DSC3: variants seen among roughly 807,000 people sequenced by gnomAD.
DSC3 encodes the protein desmocollin 3.
A neutral mutation model predicts 89.5 loss-of-function variants in DSC3; 97 were observed. The ratio of observed to expected loss-of-function variants is 1.08; its 90% confidence interval spans 0.92 to 1.28. The LOEUF (loss-of-function observed/expected upper bound fraction) is 1.28, where lower values mean the gene tolerates loss of function less well. Among genes scored for constraint, DSC3 ranks in the 50% most tolerant of loss-of-function variants. DSC3 has a pLI of 0.00. For missense variants in DSC3, 1,199 were observed against 1,085.3 expected (o/e 1.10, Z -1.47); for synonymous variants, 436 against 384.1 (o/e 1.14, Z -1.58).
intron 9 of DSC3, among the ~76,000 whole-genome samples, chr18:31,010,858 T>C (rs1310465408): frequency 6.6e-6 from 1 of 152,230 alleles, no homozygotes; most frequent in Admixed American, 6.5e-5. Flanking sequence ...TCACTCATGC[T>C]TTGTGGTTAC....
intron 9 of DSC3, among the ~76,000 whole-genome samples, chr18:31,015,317 C>A (rs1985198949): frequency 6.6e-6 from 1 of 152,030 alleles, no homozygotes; most frequent in African/African-American, 2.4e-5. Flanking sequence ...AGAAATGAAA[C>A]AAATGCATGT....
At chr18:31,026,028 G>T in intron 4 of DSC3, 113 bp from the exon 5 acceptor site, 1 of 1,089,656 alleles carries the variant, frequency 9.2e-7, no homozygotes, top group Non-Finnish European at 1.3e-6. Context: ...AAAAGAAAAG[G>T]TAGAAAAGAA....
intron 9 of DSC3, among the ~76,000 whole-genome samples, chr18:31,012,712 AAAG>A (rs1985111315): frequency 1.3e-5 from 2 of 152,214 alleles, no homozygotes; most frequent in South Asian, 4.1e-4. Flanking sequence ...AGATGGAAAA[AAAG>A]AAGGAAATAA....
intron 7 of DSC3, among the ~76,000 whole-genome samples, chr18:31,019,868 G>T (rs915589981): frequency 2.6e-5 from 4 of 152,286 alleles, no homozygotes; most frequent in Middle Eastern, 3.4e-3. Context: ...AGAAAGGATG[G>T]CAGGAAATTT....
At chr18:31,037,159 A>G (rs534906326) in intron 1 of DSC3, among the ~76,000 whole-genome samples, 1 of 152,242 alleles carries the variant, frequency 6.6e-6, no homozygotes, top group Admixed American at 6.5e-5. Flanking sequence ...TTTTTGTTAC[A>G]TTTATCTTAG....
At chr18:31,010,764 C>A (rs1985030814) in intron 9 of DSC3, among the ~76,000 whole-genome samples, 1 of 152,066 alleles carries the variant, frequency 6.6e-6, no homozygotes. Context: ...CTCACTCAAG[C>A]CCATATGCGT....
rs1042417203 is a variant in DSC3, at chr18:30,996,525, T to C, written c.2493+266A>G. 5.3e-5 allele frequency among the ~76,000 whole-genome samples: 8 copies of C among 152,214 alleles called. No individual in the cohort carries two copies. In the East Asian group the frequency reaches 1.2e-3, roughly 22 times the overall value. ...ATATCAAAAGGGTTCATGAGGTAAA[T>C]ACACAACTAAAAATGAGACGTTAGT... On this transcript the variant is annotated intron_variant, in intron 15 of 15. Transcript: ENST00000360428.
At position 31,030,924 on chromosome 18, in the gene DSC3, A is replaced by G. The variant is rs1430476361; in HGVS notation, c.354+49T>C. The G allele has an allele frequency of 2.0e-6, 3 of 1,487,242 alleles. No individual in the cohort carries two copies. In the African/African-American group the frequency reaches 4.9e-5, roughly 24 times the overall value. 92.1% of individuals were successfully genotyped at this position (1,487,242 alleles called of 1,614,324 possible). A position where few individuals can be genotyped will look rare whatever the true frequency, so the allele number is the denominator to read the frequency against. ...GTTTCTCTTTGCAATTTTTAATAAG[A>G]GTATTTTAATGAAAAAATGACTGAA... On this transcript the variant is annotated intron_variant, in intron 3 of 15. Transcript: ENST00000360428.
rs771717246 is a variant in DSC3, at chr18:31,024,385, T to C, written c.739A>G (p.Ile247Val). 2 of 1,607,786 alleles carry C rather than the reference T, an allele frequency of 1.2e-6. No individual in the cohort carries two copies. The highest frequency in any genetic ancestry group is 1.1e-5 in the South Asian group (1 of 90,218). Residue 247 changes from isoleucine to valine, a missense_variant, in exon 6 of 16, where the codon ATT becomes GTT. Coordinates refer to ENST00000360428, the MANE Select transcript of DSC3 (RefSeq NM_001941.5). ...CTTTCCAAAACTTCAAAATTATAAA[T>C]TGCTTCTGTGAAAACAGGGTGGTTG... ...NDNHPVFTEA[I>V]YNFEVLESSR...
chr18:31,018,920 A>G (rs1439549854), intron 7 of DSC3, 120 bp from the exon 8 acceptor site: 2 of 969,770 alleles, frequency 2.1e-6, no homozygotes, highest in African/African-American at 3.2e-5. Context: ...CCGTGCTTTT[A>G]CCTGATTTCC....
At chr18:31,020,033 A>C (rs1985366361) in intron 7 of DSC3, among the ~76,000 whole-genome samples, 1 of 152,192 alleles carries the variant, frequency 6.6e-6, no homozygotes, top group Non-Finnish European at 1.5e-5. Flanking sequence ...GAGGAAGTAA[A>C]CACTATTGAG....
chr18:31,020,330 A>G (rs1348460285), intron 7 of DSC3, among the ~76,000 whole-genome samples: 1 of 152,208 alleles, frequency 6.6e-6, no homozygotes, highest in Non-Finnish European at 1.5e-5. Flanking sequence ...AGAAGACCAT[A>G]CAAAGGACAC....
At chr18:31,030,847 A>C in intron 3 of DSC3, 126 bp downstream of exon 3, 1 of 877,232 alleles carries the variant, frequency 1.1e-6, no homozygotes, top group Non-Finnish European at 1.8e-6. Flanking sequence ...AACGAAGTGA[A>C]AGGAAAGGAA....
At chr18:31,003,254 C>CT (rs1354471344) in intron 13 of DSC3, among the ~76,000 whole-genome samples, 1 of 152,250 alleles carries the variant, frequency 6.6e-6, no homozygotes, top group South Asian at 2.1e-4. Flanking sequence ...ATTTGCCTCT[C>CT]TTTTTTTTCC....
chr18:31,032,334 T>C, intron 1 of DSC3, 58 bp from the exon 2 acceptor site: 1 of 1,322,960 alleles, frequency 7.6e-7, no homozygotes, highest in South Asian at 1.2e-5. Context: ...AAAAACATAA[T>C]CATATCAATA....
chr18:31,022,046 T>G (rs1392826544), intron 7 of DSC3, among the ~76,000 whole-genome samples: 1 of 152,084 alleles, frequency 6.6e-6, no homozygotes, highest in Non-Finnish European at 1.5e-5. Flanking sequence ...TTGAAACCTT[T>G]GCTGAACTGG....
chr18:31,035,087 T>G (rs1312353422), intron 1 of DSC3, among the ~76,000 whole-genome samples: 1 of 152,104 alleles, frequency 6.6e-6, no homozygotes, highest in South Asian at 2.1e-4. Context: ...TTCAGCACAA[T>G]AAAGTGGCAT....
chr18:31,006,291 G>GTTATTA (rs1984836785), intron 12 of DSC3, among the ~76,000 whole-genome samples: 2 of 107,750 alleles, frequency 1.9e-5, no homozygotes, highest in Non-Finnish European at 3.7e-5. Context: ...TCACCTCGCT[G>GTTATTA]GTATTATTAT....
intron 13 of DSC3, among the ~76,000 whole-genome samples, chr18:31,003,031 G>T (rs902223219): frequency 1.3e-5 from 2 of 151,932 alleles, no homozygotes; most frequent in Admixed American, 6.5e-5. Flanking sequence ...GCCACTCCTT[G>T]GTTTCTCCAG....
Sources: gnomAD v4.1 joint callset for allele counts (sites outside exome capture counted in the v4.1 genomes callset) on GRCh38, gnomAD v4.1.1 for gene constraint, MANE v1.5 for transcripts, NCBI Gene and HGNC (gene_info 2026-07-23, HGNC 2026-07-21) for gene names.